RGS6: variants seen among roughly 807,000 people sequenced by gnomAD.
The protein encoded by RGS6 is regulator of G protein signaling 6.
In RGS6, 30 loss-of-function variants were observed where a neutral mutation model predicts 78.5. The observed-to-expected ratio is 0.38, with a 90% confidence interval of 0.29 to 0.52. RGS6 has a LOEUF of 0.52. Ranked by LOEUF, RGS6 falls within the 20% of genes least tolerant of loss-of-function variation. RGS6 has a pLI of 0.85. For missense variants in RGS6, 495 were observed against 609.7 expected, an observed-to-expected ratio of 0.81 and a Z score of 1.98; for synonymous variants, 206 against 206.0, an observed-to-expected ratio of 1.00 and a Z score of 0.00.
chr14:72,050,921 G>T (rs576917575), intron 2 of RGS6, among the ~76,000 whole-genome samples: 1 of 151,834 alleles, frequency 6.6e-6, no homozygotes, highest in Non-Finnish European at 1.5e-5. Flanking sequence ...ACTGAGGGGC[G>T]ACTGGATTGT....
chr14:72,589,830 T>C, the RGS6 span, among the ~76,000 whole-genome samples: 1 of 152,190 alleles, frequency 6.6e-6, no homozygotes. Flanking sequence ...ACAAAGTCAC[T>C]ACACAGAGAA....
At chr14:72,594,106 T>A in the RGS6 span, among the ~76,000 whole-genome samples, 3 of 152,186 alleles carry the variant, frequency 2.0e-5, no homozygotes, top group Non-Finnish European at 2.9e-5. Context: ...TCTTTTAATC[T>A]TCATAATAGG....
intron 2 of RGS6, among the ~76,000 whole-genome samples, chr14:72,115,135 G>A (rs963637849): frequency 4.6e-5 from 7 of 152,120 alleles, no homozygotes; most frequent in South Asian, 4.1e-4. Context: ...AACGTGTCTC[G>A]GAATATGGAA....
At chr14:72,546,425 A>G (rs2097404421) in intron 17 of RGS6, among the ~76,000 whole-genome samples, 1 of 152,234 alleles carries the variant, frequency 6.6e-6, no homozygotes, top group Admixed American at 6.5e-5. Flanking sequence ...ACTTTTATCA[A>G]AAAAGGCCAG....
the RGS6 span, among the ~76,000 whole-genome samples, chr14:71,904,166 G>A: frequency 2.0e-5 from 3 of 152,186 alleles, no homozygotes; most frequent in African/African-American, 4.8e-5. Context: ...TCTGGGAAGA[G>A]CATCCTGATT....
intron 2 of RGS6, among the ~76,000 whole-genome samples, chr14:72,116,643 C>A (rs147832646): frequency 2.0e-3 from 310 of 152,128 alleles, no homozygotes; most frequent in African/African-American, 6.6e-3. Flanking sequence ...CACTGAGATA[C>A]TTTCAGATGC....
chr14:72,141,081 G>A (rs2096533325), intron 2 of RGS6, among the ~76,000 whole-genome samples: 1 of 152,216 alleles, frequency 6.6e-6, no homozygotes, highest in Non-Finnish European at 1.5e-5. Flanking sequence ...GGCAAAGGCT[G>A]AGTCATTCTC....
At chr14:72,024,769 C>T (rs900574613) in intron 2 of RGS6, among the ~76,000 whole-genome samples, 3 of 152,112 alleles carry the variant, frequency 2.0e-5, no homozygotes, top group African/African-American at 7.2e-5. Flanking sequence ...GACAGTCTGC[C>T]CTTAGGTTGT....
intron 2 of RGS6, among the ~76,000 whole-genome samples, chr14:72,158,976 T>C (rs1170627164): frequency 6.6e-6 from 1 of 152,226 alleles, no homozygotes; most frequent in African/African-American, 2.4e-5. Context: ...AGCATAACAA[T>C]AGCATTTACC....
chr14:72,272,015 A>G (rs1233779995), intron 2 of RGS6, among the ~76,000 whole-genome samples: 2 of 150,056 alleles, frequency 1.3e-5, no homozygotes, highest in Non-Finnish European at 3.0e-5. Context: ...TTCCTATTTT[A>G]AGAACAGCCA....
chr14:72,082,688 G>A (rs905182225), intron 2 of RGS6, among the ~76,000 whole-genome samples: 4 of 151,850 alleles, frequency 2.6e-5, no homozygotes, highest in Admixed American at 6.6e-5. Context: ...TATATACTAC[G>A]TTGGTTTTCA....
chr14:71,965,141 C>A (rs2093436190), intron 2 of RGS6, among the ~76,000 whole-genome samples: 1 of 152,204 alleles, frequency 6.6e-6, no homozygotes, highest in Admixed American at 6.5e-5. Flanking sequence ...AAGACACATT[C>A]TCCTTCAGTG....
At chr14:72,072,313 G>GTTT (rs1180674409) in intron 2 of RGS6, among the ~76,000 whole-genome samples, 3 of 140,630 alleles carry the variant, frequency 2.1e-5, no homozygotes, top group Non-Finnish European at 3.1e-5. Flanking sequence ...TAGTTTGTTT[G>GTTT]TTTTTTTTTT....
chr14:72,046,451 A>G (rs2092844605), intron 2 of RGS6, among the ~76,000 whole-genome samples: 1 of 151,974 alleles, frequency 6.6e-6, no homozygotes, highest in Non-Finnish European at 1.5e-5. Flanking sequence ...CTAGAATCCA[A>G]CTCAAGGTTT....
intron 1 of RGS6, among the ~76,000 whole-genome samples, chr14:71,938,746 A>G (rs1594915333): frequency 6.6e-6 from 1 of 152,210 alleles, no homozygotes; most frequent in African/African-American, 2.4e-5. Context: ...TAGATGGGTC[A>G]GAAAGCACCC....
chr14:72,022,006 A>G (rs1026669822), intron 2 of RGS6, among the ~76,000 whole-genome samples: 10 of 152,008 alleles, frequency 6.6e-5, no homozygotes, highest in South Asian at 4.2e-4. Flanking sequence ...GCTCCCACTT[A>G]TAAGAGAGAA....
the RGS6 span, among the ~76,000 whole-genome samples, chr14:71,867,734 T>C: frequency 1.2e-3 from 181 of 152,258 alleles, no homozygotes; most frequent in Middle Eastern, 6.8e-3. Flanking sequence ...TCACACATCT[T>C]ATTCCTAGAG....
intron 2 of RGS6, among the ~76,000 whole-genome samples, chr14:72,251,671 CATAAAGATGGGA>C (rs1292888504): frequency 3.9e-5 from 6 of 152,184 alleles, no homozygotes; most frequent in African/African-American, 1.2e-4. Flanking sequence ...AATATGTGGA[CATAAAGATGGGA>C]ACAATCGACA....
downstream of RGS6, among the ~76,000 whole-genome samples, chr14:72,568,629 C>T (rs951267622): frequency 1.3e-5 from 2 of 152,144 alleles, no homozygotes; most frequent in African/African-American, 2.4e-5. Context: ...AGCAGAGTGG[C>T]GGGCCGGAGG....
Sources: gnomAD v4.1 joint callset for allele counts (sites outside exome capture counted in the v4.1 genomes callset) on GRCh38, gnomAD v4.1.1 for gene constraint, MANE v1.5 for transcripts, NCBI Gene and HGNC (gene_info 2026-07-23, HGNC 2026-07-21) for gene names.